Variants in ADAMTS3 observed in about 807,000 individuals in gnomAD.
ADAMTS3 encodes the protein ADAM metallopeptidase with thrombospondin type 1 motif 3, also known as A disintegrin and metalloproteinase with thrombospondin motifs 3.
In ADAMTS3, 73 loss-of-function variants were observed where a neutral mutation model predicts 129.0. That is an observed-to-expected ratio of 0.57 (90% CI 0.47 to 0.69). The LOEUF (loss-of-function observed/expected upper bound fraction) is 0.69, where lower values mean the gene tolerates loss of function less well. Among genes scored for constraint, ADAMTS3 ranks in the 30% least tolerant of loss-of-function variants. The probability of loss-of-function intolerance (pLI) is 0.00; values close to 1 mark genes in which losing one functional copy is unlikely to be tolerated. For synonymous variants in ADAMTS3, 477 were observed against 510.8 expected (o/e 0.93, Z 0.89); for missense variants, 1,457 against 1,514.5 (o/e 0.96, Z 0.63).
chr4:72,550,086 A>C (rs140984808), intron 2 of ADAMTS3, among the ~76,000 whole-genome samples: 2 of 69,018 alleles, frequency 2.9e-5, no homozygotes, highest in Admixed American at 1.2e-4. Flanking sequence ...GAAGAGGAAG[A>C]AGAAGAAGAA....
At chr4:72,339,765 A>G (rs1720088035) in intron 4 of ADAMTS3, 72 bp from the exon 5 acceptor site, 2 of 1,273,698 alleles carry the variant, frequency 1.6e-6, no homozygotes, top group South Asian at 1.2e-5. Context: ...TTAGAAAAAA[A>G]GAATCTTCTC....
chr4:72,527,637 G>C (rs557275484), intron 3 of ADAMTS3, among the ~76,000 whole-genome samples: 1 of 152,276 alleles, frequency 6.6e-6, no homozygotes, highest in Non-Finnish European at 1.5e-5. Context: ...AAGTTTCCCA[G>C]AGGAATAAAA....
At chr4:72,510,531 C>T (rs1294380933) in intron 3 of ADAMTS3, among the ~76,000 whole-genome samples, 1 of 151,534 alleles carries the variant, frequency 6.6e-6, no homozygotes, top group Non-Finnish European at 1.5e-5. Context: ...AATAGCCACA[C>T]ATAAAATTAA....
At chr4:72,291,777 G>A (rs574412056) in intron 19 of ADAMTS3, among the ~76,000 whole-genome samples, 1 of 152,180 alleles carries the variant, frequency 6.6e-6, no homozygotes, top group Admixed American at 6.5e-5. Flanking sequence ...GTAATGGGAT[G>A]GCTGGGTCAA....
intron 4 of ADAMTS3, among the ~76,000 whole-genome samples, chr4:72,349,733 A>G (rs1446350308): frequency 2.0e-5 from 3 of 152,058 alleles, no homozygotes; most frequent in African/African-American, 4.8e-5. Flanking sequence ...TCTCTTTGTT[A>G]TGATGCAATA....
intron 3 of ADAMTS3, among the ~76,000 whole-genome samples, chr4:72,466,397 A>G (rs182852698): frequency 1.4e-3 from 209 of 152,148 alleles, no homozygotes; most frequent in Admixed American, 3.4e-3. Flanking sequence ...GAAAATGACA[A>G]TCTAACTGCT....
chr4:72,333,851 T>TTTG (rs1719916375), intron 5 of ADAMTS3, among the ~76,000 whole-genome samples: 2 of 125,314 alleles, frequency 1.6e-5, no homozygotes, highest in Admixed American at 1.6e-4. Context: ...TTGCTTGCTT[T>TTTG]TTTTTTTTTT....
chr4:72,310,017 T>C (rs180953732), intron 14 of ADAMTS3, among the ~76,000 whole-genome samples: 12 of 152,134 alleles, frequency 7.9e-5, no homozygotes, highest in Admixed American at 5.2e-4. Flanking sequence ...GGAAAGCAGA[T>C]GAGTTACAAC....
chr4:72,360,181 T>C (rs933403892), intron 4 of ADAMTS3, among the ~76,000 whole-genome samples: 2 of 152,094 alleles, frequency 1.3e-5, no homozygotes, highest in African/African-American at 2.4e-5. Context: ...ATAGTCCAAC[T>C]GTGTGCAACA....
chr4:72,313,573 C>T (rs1156654067), intron 12 of ADAMTS3, 104 bp downstream of exon 12: 1 of 1,205,918 alleles, frequency 8.3e-7, no homozygotes, highest in Middle Eastern at 2.0e-4. Flanking sequence ...TATTTTCCTG[C>T]CCTGTGTTTT....
At chr4:72,350,163 TA>T (rs1362889321) in intron 4 of ADAMTS3, among the ~76,000 whole-genome samples, 1 of 152,050 alleles carries the variant, frequency 6.6e-6, no homozygotes, top group African/African-American at 2.4e-5. Flanking sequence ...TAAAGACACT[TA>T]TTTGCCAATA....
At chr4:72,398,483 G>A (rs957849114) in intron 4 of ADAMTS3, among the ~76,000 whole-genome samples, 5 of 152,160 alleles carry the variant, frequency 3.3e-5, no homozygotes, top group Admixed American at 2.0e-4. Flanking sequence ...GCTGAGACAG[G>A]AGAATTGCTT....
chr4:72,286,975 G>T (rs1285251427), intron 21 of ADAMTS3, among the ~76,000 whole-genome samples: 4 of 152,196 alleles, frequency 2.6e-5, no homozygotes, highest in Non-Finnish European at 5.9e-5. Context: ...AGAGGAAAAA[G>T]GTGGGTATGG....
chr4:72,369,946 C>A (rs1404115588), intron 4 of ADAMTS3, among the ~76,000 whole-genome samples: 1 of 152,136 alleles, frequency 6.6e-6, no homozygotes, highest in Non-Finnish European at 1.5e-5. Flanking sequence ...TTTGTCAAAA[C>A]TTTATATGGA....
chr4:72,357,180 G>A (rs1055007145), intron 4 of ADAMTS3, among the ~76,000 whole-genome samples: 2 of 151,864 alleles, frequency 1.3e-5, no homozygotes, highest in Non-Finnish European at 2.9e-5. Flanking sequence ...AATGTGTATG[G>A]AGATGCTCCT....
At chr4:72,499,666 G>T (rs1719960115) in intron 3 of ADAMTS3, among the ~76,000 whole-genome samples, 1 of 151,968 alleles carries the variant, frequency 6.6e-6, no homozygotes, top group African/African-American at 2.4e-5. Flanking sequence ...ACATTTGCAG[G>T]TTTGTTACTT....
chr4:72,364,431 A>G (rs1411676885), intron 4 of ADAMTS3, among the ~76,000 whole-genome samples: 1 of 152,128 alleles, frequency 6.6e-6, no homozygotes, highest in Admixed American at 6.6e-5. Context: ...CCTGGCCAAC[A>G]TGGAGAAACC....
chr4:72,506,555 G>C (rs968386415), intron 3 of ADAMTS3, among the ~76,000 whole-genome samples: 4 of 152,176 alleles, frequency 2.6e-5, no homozygotes, highest in Non-Finnish European at 5.9e-5. Flanking sequence ...GATTTTATAT[G>C]AACTCAGGTT....
intron 3 of ADAMTS3, among the ~76,000 whole-genome samples, chr4:72,466,683 G>T (rs1455213081): frequency 6.6e-6 from 1 of 152,010 alleles, no homozygotes; most frequent in Non-Finnish European, 1.5e-5. Flanking sequence ...TAGGCTCCAT[G>T]TAATCTAATG....
Sources: gnomAD v4.1 joint callset for allele counts (sites outside exome capture counted in the v4.1 genomes callset) on GRCh38, gnomAD v4.1.1 for gene constraint, MANE v1.5 for transcripts, NCBI Gene and HGNC (gene_info 2026-07-23, HGNC 2026-07-21) for gene names.